The following SNAPC3 variants were observed in gnomAD, a reference collection of about 807,000 sequenced individuals.
SNAPC3 encodes the protein small nuclear RNA activating complex polypeptide 3, also known as snRNA-activating protein complex subunit 3.
SNAPC3 carries 56 observed loss-of-function variants against 47.7 expected under a neutral mutation model. The ratio of observed to expected loss-of-function variants is 1.18; its 90% CI spans 0.95 to 1.47. The LOEUF is 1.47. SNAPC3 is among the 40% of genes most tolerant of loss of function. The pLI, the probability that SNAPC3 is intolerant of heterozygous loss-of-function variation, is 0.00. For synonymous variants in SNAPC3, 235 were observed against 189.9 expected, an observed-to-expected ratio of 1.24 and a Z score of -1.95; for missense variants, 665 against 511.3, an observed-to-expected ratio of 1.30 and a Z score of -2.90.
chr9:15,429,774 A>G (rs1043616467), intron 2 of SNAPC3, among the ~76,000 whole-genome samples: 34 of 152,214 alleles, frequency 2.2e-4, no homozygotes, highest in African/African-American at 7.5e-4. Context: ...GACCAAATAC[A>G]TTAGTCTTAA....
Position 15,444,654 on chromosome 9 carries a change from A to T in SNAPC3, c.530A>T (p.Glu177Val), listed in dbSNP as rs1168160741. ...KPENSADMIE[E>V]GELILSVNIL... ...GAAAATTCAGCAGACATGATTGAAGAAGGGGAGCTTATCCTATCTGTGAAT... is the reference window on the plus strand; with the variant it reads ...GAAAATTCAGCAGACATGATTGAAGTAGGGGAGCTTATCCTATCTGTGAAT... The change falls in exon 4 of 9, where the codon GAA (glutamate) becomes GTA (valine). Residue 177 changes from glutamate (E) to valine (V), a missense_variant. Glu to Val is a moderately radical substitution (Grantham distance 121). Transcript: ENST00000380821. The T allele has an allele frequency of 6.2e-7, 1 of 1,612,964 alleles. No homozygotes were observed. Among genetic ancestry groups the T allele is most frequent in the Admixed American group, 1.7e-5 (1 of 60,024 alleles).
At chr9:15,454,136 G>A (rs932692069) in intron 7 of SNAPC3, among the ~76,000 whole-genome samples, 4 of 151,818 alleles carry the variant, frequency 2.6e-5, no homozygotes, top group African/African-American at 7.3e-5. Context: ...AGGTTAAAAC[G>A]TGAGGATTGC....
Position 15,459,374 on chromosome 9 carries a change from G to C in SNAPC3, c.1089-345G>C, listed in dbSNP as rs116854872. Among the ~76,000 whole-genome samples the C allele has an allele frequency of 3.5e-4, 53 of 152,266 alleles. 1 individual carries two copies. The East Asian group carries it at 8.3e-3, about 24-fold the overall frequency. ...TAATTTTGCCATGGTTTTTCAAGAT[G>C]GTCTGTTAGAAGAAAATGACTATAT... On this transcript the variant is annotated intron_variant, in intron 8 of 8. Coordinates refer to ENST00000380821, the MANE Select transcript of SNAPC3 (RefSeq NM_001039697.2).
chr9:15,431,540 T>C (rs1156508625), intron 2 of SNAPC3, among the ~76,000 whole-genome samples: 2 of 151,896 alleles, frequency 1.3e-5, no homozygotes, highest in Non-Finnish European at 2.9e-5. Context: ...TACACAAATA[T>C]CTGTTTATTT....
intron 3 of SNAPC3, among the ~76,000 whole-genome samples, chr9:15,441,373 G>A (rs964666852): frequency 5.8e-4 from 66 of 113,778 alleles, no homozygotes; most frequent in African/African-American, 2.1e-3. Flanking sequence ...GTGTGCAAGA[G>A]TTCCCTTTTC....
chr9:15,446,575 G>A (rs527943902), intron 4 of SNAPC3, among the ~76,000 whole-genome samples: 24 of 152,288 alleles, frequency 1.6e-4, no homozygotes, highest in Non-Finnish European at 3.1e-4. Flanking sequence ...GCCTTTGAAA[G>A]GAGATTTTTA....
At chr9:15,442,977 T>C (rs1295397914) in intron 3 of SNAPC3, among the ~76,000 whole-genome samples, 2 of 152,220 alleles carry the variant, frequency 1.3e-5, no homozygotes, top group East Asian at 3.9e-4. Context: ...GAGACCAGCC[T>C]GGCCAACACA....
At chr9:15,433,073 A>G (rs1379098188) in intron 2 of SNAPC3, among the ~76,000 whole-genome samples, 4 of 152,204 alleles carry the variant, frequency 2.6e-5, no homozygotes, top group Admixed American at 6.5e-5. Context: ...TCTTACCAAA[A>G]TGCTAAATTT....
At chr9:15,429,241 C>CT (rs1355966907) in intron 2 of SNAPC3, among the ~76,000 whole-genome samples, 8 of 152,042 alleles carry the variant, frequency 5.3e-5, no homozygotes, top group Admixed American at 4.6e-4. Context: ...GATTTTATAT[C>CT]TAACTGAATG....
At chr9:15,433,836 A>G in intron 3 of SNAPC3, 200 bp downstream of exon 3, 1 of 401,804 alleles carries the variant, frequency 2.5e-6, no homozygotes, top group East Asian at 3.8e-5. Context: ...TGACTTTTTC[A>G]GATCTCTGCC....
chr9:15,428,488 G>A (rs1312595410), intron 2 of SNAPC3, among the ~76,000 whole-genome samples: 4 of 129,336 alleles, frequency 3.1e-5, no homozygotes, highest in Non-Finnish European at 4.8e-5. Context: ...CAGCCTGGGC[G>A]ACACAGCGAG....
downstream of SNAPC3, chr9:15,464,772 C>T: frequency 4.9e-6 from 1 of 205,768 alleles, no homozygotes; most frequent in Non-Finnish European, 9.9e-6. Context: ...ACCCTAAAGC[C>T]AGATTCATTC....
At chr9:15,443,200 G>C (rs1466588535) in intron 3 of SNAPC3, among the ~76,000 whole-genome samples, 3 of 152,096 alleles carry the variant, frequency 2.0e-5, no homozygotes, top group African/African-American at 7.2e-5. Context: ...GAGGGGGAGA[G>C]GGAGAGAGGG....
At chr9:15,456,158 G>A (rs1488492575) in intron 7 of SNAPC3, among the ~76,000 whole-genome samples, 1 of 152,164 alleles carries the variant, frequency 6.6e-6, no homozygotes, top group Non-Finnish European at 1.5e-5. Context: ...ACAGGCGTGA[G>A]CCACCATGCC....
At chr9:15,451,951 ATATT>A (rs1425942686) in intron 6 of SNAPC3, among the ~76,000 whole-genome samples, 8 of 134,586 alleles carry the variant, frequency 5.9e-5, no homozygotes, top group Non-Finnish European at 1.1e-4. Context: ...ACAAGTATAT[ATATT>A]ATTGTTGCCC....
chr9:15,425,630 C>G (rs2031274585), intron 2 of SNAPC3, among the ~76,000 whole-genome samples: 1 of 152,184 alleles, frequency 6.6e-6, no homozygotes, highest in Non-Finnish European at 1.5e-5. Flanking sequence ...TTCTAAAGTC[C>G]TTGAAGGCTC....
downstream of SNAPC3, chr9:15,462,016 ATTCCT>A (rs2035256491): frequency 6.6e-6 from 1 of 152,176 alleles, no homozygotes; most frequent in Non-Finnish European, 1.5e-5. Context: ...AAAAATTTTG[ATTCCT>A]TTATTTTCAA....
chr9:15,462,142 C>G (rs2035266189), downstream of SNAPC3: 1 of 152,156 alleles, frequency 6.6e-6, no homozygotes, highest in African/African-American at 2.4e-5. Context: ...TGTCATAATG[C>G]ATTATTCCAT....
intron 2 of SNAPC3, among the ~76,000 whole-genome samples, chr9:15,429,895 G>C (rs1325915669): frequency 6.6e-6 from 1 of 152,062 alleles, no homozygotes; most frequent in Non-Finnish European, 1.5e-5. Flanking sequence ...TAAAGGGTTA[G>C]ACCAAAGTAT....
Sources: gnomAD v4.1 joint callset for allele counts (sites outside exome capture counted in the v4.1 genomes callset) on GRCh38, gnomAD v4.1.1 for gene constraint, MANE v1.5 for transcripts, NCBI Gene and HGNC (gene_info 2026-07-23, HGNC 2026-07-21) for gene names.